The following BLTP2 variants were observed in gnomAD, a reference collection of about 807,000 sequenced individuals.
BLTP2 encodes U937-associated antigen.
chr17:28,621,338 G>C, the BLTP2 span: 16 of 1,464,102 alleles, frequency 1.1e-5, no homozygotes, highest in East Asian at 3.4e-4. Context: ...AGGGAAATGA[G>C]GTCCCTTTGG....
chr17:28,631,762 C>A, the BLTP2 span: 5 of 1,603,256 alleles, frequency 3.1e-6, no homozygotes, highest in Non-Finnish European at 4.3e-6. Context: ...GGGAATGGAA[C>A]TGAGAAGGGA....
At chr17:28,644,532 G>A in the BLTP2 span, among the ~76,000 whole-genome samples, 9 of 152,198 alleles carry the variant, frequency 5.9e-5, no homozygotes, top group Non-Finnish European at 1.2e-4. Flanking sequence ...ACACTCCCCA[G>A]AGGGTCTGTC....
At chr17:28,616,615 C>T in the BLTP2 span, 1 of 1,614,224 alleles carries the variant, frequency 6.2e-7, no homozygotes, top group South Asian at 1.1e-5. This position sits in a 1 kb window ranked among gnomAD's most constrained non-coding sequence, Gnocchi z 4.8. Flanking sequence ...TAAAAGTTCT[C>T]ACCAGTAGTC....
chr17:28,645,013 G>A, the BLTP2 span: 7 of 1,597,294 alleles, frequency 4.4e-6, no homozygotes, highest in Non-Finnish European at 6.0e-6. Flanking sequence ...GGCGCTAAGC[G>A]CAACTAGCAG....
At chr17:28,620,795 A>G in the BLTP2 span, among the ~76,000 whole-genome samples, 1 of 152,072 alleles carries the variant, frequency 6.6e-6, no homozygotes, top group Non-Finnish European at 1.5e-5. Context: ...AACAATGCCC[A>G]TTCATCCCAG....
At chr17:28,637,344 G>A in the BLTP2 span, among the ~76,000 whole-genome samples, 2 of 151,800 alleles carry the variant, frequency 1.3e-5, no homozygotes, top group Non-Finnish European at 2.9e-5. Context: ...AACTAGATTC[G>A]GCAGAATCAA....
At chr17:28,641,991 C>G in the BLTP2 span, 1 of 1,614,098 alleles carries the variant, frequency 6.2e-7, no homozygotes, top group African/African-American at 1.3e-5. Context: ...CACACATCCA[C>G]AGTGATAGCA....
At chr17:28,626,320 T>G in the BLTP2 span, among the ~76,000 whole-genome samples, 1 of 152,220 alleles carries the variant, frequency 6.6e-6, no homozygotes, top group Non-Finnish European at 1.5e-5. Context: ...TTTCTCTCAC[T>G]CCTCTCCCTT....
chr17:28,631,433 C>T, the BLTP2 span: 2 of 1,544,612 alleles, frequency 1.3e-6, no homozygotes, highest in Non-Finnish European at 1.8e-6. Flanking sequence ...GGCTGAGATA[C>T]CTACTAATAT....
chr17:28,615,434 G>A, the BLTP2 span, among the ~76,000 whole-genome samples: 187 of 152,310 alleles, frequency 1.2e-3, no homozygotes, highest in Non-Finnish European at 2.0e-3. Flanking sequence ...TTTAGGTTGT[G>A]TTAGCTCTCA....
At chr17:28,621,444 T>C in the BLTP2 span, 12 of 1,614,092 alleles carry the variant, frequency 7.4e-6, no homozygotes, top group East Asian at 2.7e-4. Flanking sequence ...CCACTCTCCA[T>C]CAGCTCCTGC....
At chr17:28,631,641 A>C in the BLTP2 span, 1 of 1,614,136 alleles carries the variant, frequency 6.2e-7, no homozygotes. Flanking sequence ...CCATCTGGGT[A>C]ACACTCCAAT....
the BLTP2 span, chr17:28,638,381 C>T: frequency 1.9e-5 from 31 of 1,614,030 alleles, no homozygotes; most frequent in South Asian, 3.2e-4. Context: ...GGACGCCCCG[C>T]TGATGGATGC....
chr17:28,625,353 A>AAAAAAG, the BLTP2 span, among the ~76,000 whole-genome samples: 95 of 148,996 alleles, frequency 6.4e-4, 1 homozygote, highest in East Asian at 1.2e-3. Context: ...AAAAAAAAAA[A>AAAAAAG]AAAAAGAAAA....
At chr17:28,636,089 C>T in the BLTP2 span, 1 of 153,866 alleles carries the variant, frequency 6.5e-6, no homozygotes, top group Non-Finnish European at 1.4e-5. Flanking sequence ...ACTGAGCACA[C>T]AAGTCAATAT....
chr17:28,623,362 T>C, the BLTP2 span, among the ~76,000 whole-genome samples: 1 of 152,304 alleles, frequency 6.6e-6, no homozygotes, highest in Non-Finnish European at 1.5e-5. Context: ...TCAACCTCAC[T>C]GCCTTGCTGA....
At chr17:28,641,965 T>A in the BLTP2 span, 4 of 1,614,188 alleles carry the variant, frequency 2.5e-6, no homozygotes, top group Non-Finnish European at 3.4e-6. Context: ...CCTCATGCAG[T>A]TCAGCATGGA....
At chr17:28,637,085 C>T in the BLTP2 span, 2 of 1,614,128 alleles carry the variant, frequency 1.2e-6, no homozygotes, top group Non-Finnish European at 1.7e-6. Context: ...ATTTCACCAG[C>T]GCTAACACAA....
the BLTP2 span, chr17:28,621,557 A>G: frequency 8.0e-7 from 1 of 1,245,948 alleles, no homozygotes; most frequent in Non-Finnish European, 1.2e-6. Flanking sequence ...TGTCCTGGAC[A>G]ATTGGGTGAC....
Sources: gnomAD v4.1 joint callset for allele counts (sites outside exome capture counted in the v4.1 genomes callset) on GRCh38, gnomAD v4.1.1 for gene constraint, Gnocchi (gnomAD v3.1) non-coding constraint, MANE v1.5 for transcripts, NCBI Gene and HGNC (gene_info 2026-07-23, HGNC 2026-07-21) for gene names.